B3GNT3: variants seen among roughly 807,000 people sequenced by gnomAD.
B3GNT3 encodes UDP-GlcNAc:betaGal beta-1,3-N-acetylglucosaminyltransferase 3, also known as N-acetyllactosaminide beta-1,3-N-acetylglucosaminyltransferase 3.
In B3GNT3, 7 loss-of-function variants were observed where a neutral mutation model predicts 11.6. That is an observed-to-expected ratio of 0.60 (90% CI 0.34 to 1.13). The LOEUF is 1.13. B3GNT3 is among the 50% of genes most tolerant of loss of function. The pLI, the probability that B3GNT3 is intolerant of heterozygous loss-of-function variation, is 0.03. For synonymous variants in B3GNT3, 201 were observed against 222.1 expected (o/e 0.90, Z 0.85); for missense variants, 400 against 507.4 (o/e 0.79, Z 2.03).
At position 17,812,015 on chromosome 19, in the gene B3GNT3, C is replaced by T. The variant is rs767128283; in HGVS notation, c.1012C>T (p.Arg338Ter). Residue 338 changes from arginine to a stop codon, truncating the protein, a stop_gained, in exon 3 of 3, where the codon CGA becomes TGA. Transcript: ENST00000318683. LOFTEE classifies it low-confidence loss of function (END_TRUNC). ...GTCCTCCTTTGACCCCTGCTTCTAC[C>T]GAGACCTGCTGCTGGTGCACCGCTT... Reference protein sequence around the residue: ...RLSSFDPCFYRDLLLVHRFLP... With the variant: ...RLSSFDPCFY The T allele has an allele frequency of 5.0e-6, 8 of 1,600,412 alleles. No homozygotes were observed. Among genetic ancestry groups the T allele is most frequent in the East Asian group, 4.5e-5 (2 of 44,892 alleles).
intron 1 of B3GNT3, among the ~76,000 whole-genome samples, chr19:17,799,985 G>A (rs1337018323): frequency 6.6e-6 from 1 of 152,142 alleles, no homozygotes; most frequent in Non-Finnish European, 1.5e-5. Context: ...TCTCCAAATA[G>A]TCTTGGGAGT....
intron 2 of B3GNT3, among the ~76,000 whole-genome samples, chr19:17,809,427 A>C (rs989680741): frequency 9.2e-5 from 14 of 151,622 alleles, no homozygotes; most frequent in African/African-American, 3.4e-4. Context: ...AAATTTAATT[A>C]ATTAATTTTT....
At chr19:17,796,554 G>A (rs2094159731) in intron 1 of B3GNT3, among the ~76,000 whole-genome samples, 2 of 152,194 alleles carry the variant, frequency 1.3e-5, no homozygotes, top group Admixed American at 6.5e-5. Context: ...CCTCCCACTG[G>A]CCTGTTCTCA....
intron 1 of B3GNT3, among the ~76,000 whole-genome samples, chr19:17,800,065 T>C (rs1458567686): frequency 2.0e-5 from 3 of 152,040 alleles, no homozygotes; most frequent in Non-Finnish European, 4.4e-5. Context: ...CCCACATCTC[T>C]TGCAGACAGT....
intron 1 of B3GNT3, among the ~76,000 whole-genome samples, chr19:17,805,815 T>C (rs2094172333): frequency 6.6e-6 from 1 of 151,996 alleles, no homozygotes; most frequent in Non-Finnish European, 1.5e-5. Context: ...TTTTTTTTTT[T>C]GAGACAGCAT....
rs1190936702 is a variant in B3GNT3 at position 17,811,253 on chromosome 19, A to G, written c.568-318A>G. Among the ~76,000 whole-genome samples the G allele has an allele frequency of 1.3e-5, 2 of 152,202 alleles. No homozygotes were observed. Among genetic ancestry groups the G allele is most frequent in the African/African-American group, 4.8e-5 (2 of 41,454 alleles). ...TTCATACAAATGATTATTTAACAAC[A>G]GGGCTTGGCCAGGCAGAGTTGGAAG... On this transcript the variant is annotated intron_variant, in intron 2 of 2. Transcript: ENST00000318683. This position sits in a 1 kb window ranked among gnomAD's most constrained non-coding sequence, Gnocchi z 4.1.
intron 1 of B3GNT3, among the ~76,000 whole-genome samples, chr19:17,805,627 C>T (rs1424401208): frequency 6.6e-6 from 1 of 152,112 alleles, no homozygotes; most frequent in Non-Finnish European, 1.5e-5. Flanking sequence ...AAATTTGTAT[C>T]CATCTCAGGG....
chr19:17,809,937 C>T (rs1349118066), intron 2 of B3GNT3, among the ~76,000 whole-genome samples: 3 of 152,066 alleles, frequency 2.0e-5, no homozygotes, highest in African/African-American at 7.2e-5. Flanking sequence ...TACAGACAGG[C>T]CTGGGTTCAA....
At chr19:17,800,945 A>C (rs973129816) in intron 1 of B3GNT3, among the ~76,000 whole-genome samples, 4 of 151,892 alleles carry the variant, frequency 2.6e-5, no homozygotes, top group Non-Finnish European at 4.4e-5. Context: ...GCTGCACTTC[A>C]GCCTGGGCGA....
In B3GNT3 at chr19:17,807,967, A is replaced by G; in HGVS notation, c.160A>G (p.Thr54Ala). Residue 54 changes from threonine to alanine, a missense_variant, in exon 2 of 3, where the codon ACC becomes GCC. Transcript: ENST00000318683. ...PEALAWPTPPTRPAPAPCHAN... is the reference protein window; with the variant it reads ...PEALAWPTPPARPAPAPCHAN... ...GGCCCTGGCCTGGCCCACTCCACCC[A>G]CCCGCCCAGCCCCGGCCCCGTGCCA... is the stretch of plus-strand genomic sequence containing the variant. 2.2e-5 allele frequency: 16 copies of G among 737,720 alleles called. No individual in the cohort carries two copies. Among genetic ancestry groups the G allele is most frequent in the Non-Finnish European group, 2.8e-5 (15 of 531,206 alleles). The allele number at this position is 737,720 out of a possible 1,614,324, so 45.7% of individuals were successfully genotyped here.
In B3GNT3 at chr19:17,810,293, C is replaced by T. The variant is rs528103958; in HGVS notation, c.568-1278C>T. Among the ~76,000 whole-genome samples, 3 of 151,908 alleles carry T rather than the reference C, an allele frequency of 2.0e-5. No homozygotes were observed. In the East Asian group the frequency reaches 5.8e-4, roughly 30 times the overall value. On this transcript the variant is annotated intron_variant, in intron 2 of 2. Coordinates refer to ENST00000318683, the MANE Select transcript of B3GNT3 (RefSeq NM_014256.4). ...ATCACTTGAGACCAGGAGTTCGAGACCAGCTTCTTGGGAGGCTAAGGCAGC... is the reference window on the plus strand; with the variant it reads ...ATCACTTGAGACCAGGAGTTCGAGATCAGCTTCTTGGGAGGCTAAGGCAGC...
chr19:17,806,780 T>C (rs1002376720), intron 1 of B3GNT3, among the ~76,000 whole-genome samples: 5 of 151,538 alleles, frequency 3.3e-5, no homozygotes, highest in African/African-American at 7.3e-5. Context: ...GGTGAAACCT[T>C]GTCTCTCCTA....
chr19:17,810,829 C>T (rs865841474), intron 2 of B3GNT3, among the ~76,000 whole-genome samples: 2 of 150,732 alleles, frequency 1.3e-5, no homozygotes, highest in African/African-American at 4.9e-5. Flanking sequence ...TGCAGTGAGC[C>T]GAGATTGCAC....
chr19:17,812,053 G>A lies in B3GNT3; in HGVS notation c.1050G>A (p.Glu350=). The A allele has an allele frequency of 1.3e-6, 2 of 1,599,178 alleles. No homozygotes were observed. The highest frequency in any genetic ancestry group is 4.5e-5 in the East Asian group (2 of 44,870). ...TGGTGCACCGCTTCCTACCTTATGA[G>A]ATGCTGCTCATGTGGGATGCGCTGA... ...LLLVHRFLPY[E]MLLMWDALNQ... The change falls in exon 3 of 3, where the codon GAG becomes GAA. Residue 350 remains glutamate, a synonymous_variant. Coordinates refer to ENST00000318683, the MANE Select transcript of B3GNT3 (RefSeq NM_014256.4).
At chr19:17,808,608 C>T (rs1414133967) in intron 2 of B3GNT3, among the ~76,000 whole-genome samples, 10 of 152,140 alleles carry the variant, frequency 6.6e-5, no homozygotes, top group Non-Finnish European at 1.3e-4. Context: ...CCTGATGATG[C>T]GGATTCGAAT....
intron 1 of B3GNT3, among the ~76,000 whole-genome samples, chr19:17,798,941 C>A (rs1246710204): frequency 1.3e-5 from 2 of 152,152 alleles, no homozygotes; most frequent in Non-Finnish European, 2.9e-5. Flanking sequence ...CTGCACCACT[C>A]CAGCCTGGGT....
intron 1 of B3GNT3, among the ~76,000 whole-genome samples, chr19:17,800,860 A>G (rs1476527018): frequency 6.6e-6 from 1 of 151,786 alleles, no homozygotes; most frequent in Non-Finnish European, 1.5e-5. Flanking sequence ...CCTGCTACTC[A>G]GGAGGCTGAG....
chr19:17,799,072 C>G (rs1414818908), intron 1 of B3GNT3, among the ~76,000 whole-genome samples: 1 of 152,166 alleles, frequency 6.6e-6, no homozygotes, highest in Non-Finnish European at 1.5e-5. Flanking sequence ...CTAGCCTTTC[C>G]CAGGACTCAA....
Position 17,811,974 on chromosome 19 carries a change from C to G in B3GNT3, c.971C>G (p.Ala324Gly). 6.2e-7 allele frequency: 1 copy of G among 1,607,044 alleles called. No individual in the cohort carries two copies. The highest frequency in any genetic ancestry group is 8.5e-7 in the Non-Finnish European group (1 of 1,180,012). The change falls in exon 3 of 3, where the codon GCT becomes GGT. Residue 324 changes from alanine (A) to glycine (G), a missense_variant. Physicochemically the swap from Ala to Gly is moderately conservative, Grantham distance 60. Coordinates refer to ENST00000318683, the MANE Select transcript of B3GNT3 (RefSeq NM_014256.4). The surrounding 1 kb of genome is among the most constrained non-coding windows in gnomAD (Gnocchi z 4.1). ...HSGIRTSGVRAPSQRLSSFDP... is the reference protein window; with the variant it reads ...HSGIRTSGVRGPSQRLSSFDP... ...GGCATCCGCACGTCTGGCGTGCGGG[C>G]TCCATCGCAACGCCTGTCCTCCTTT... is the stretch of plus-strand genomic sequence containing the variant.
Sources: allele counts gnomAD v4.1 joint callset (sites outside exome capture counted in the v4.1 genomes callset), GRCh38; gene constraint gnomAD v4.1.1; non-coding constraint Gnocchi (gnomAD v3.1); transcripts MANE v1.5; gene names NCBI Gene and HGNC (gene_info 2026-07-23, HGNC 2026-07-21).